The following CC2D2B variants were observed in gnomAD, a reference collection of about 807,000 sequenced individuals.
CC2D2B encodes coiled-coil and C2 domain containing 2B, also known as protein CC2D2B.
In CC2D2B, 128 loss-of-function variants were observed where a neutral mutation model predicts 161.2. The observed-to-expected ratio is 0.79, with a 90% confidence interval of 0.69 to 0.92. CC2D2B has a LOEUF of 0.92. Ranked by LOEUF, CC2D2B falls within the 40% of genes least tolerant of loss-of-function variation. CC2D2B has a pLI of 0.00. For synonymous variants in CC2D2B, 391 were observed against 449.8 expected (o/e 0.87, Z 1.65); for missense variants, 1,173 against 1,375.1 (o/e 0.85, Z 2.32).
Position 96,010,806 on chromosome 10 carries a change from G to A in CC2D2B, c.3045+883G>A, listed in dbSNP as rs563501046. ...TGACAAATTGGTCAAGCAAATAAGG[G>A]CTTAATTTAGATTGCCTTTTGCTAC... On this transcript the variant is annotated intron_variant, in intron 26 of 34. Transcript: ENST00000646931. Among the ~76,000 whole-genome samples the A allele has an allele frequency of 2.6e-5, 4 of 152,278 alleles. No individual in the cohort carries two copies. In the South Asian group the frequency reaches 8.3e-4, roughly 32 times the overall value.
chr10:96,007,900 T>C (rs1451550904), intron 25 of CC2D2B, among the ~76,000 whole-genome samples: 2 of 152,132 alleles, frequency 1.3e-5, no homozygotes, highest in Middle Eastern at 3.2e-3. Context: ...GAATACTTCC[T>C]CTAATTTTGG....
chr10:95,964,533 T>G (rs754517690), intron 12 of CC2D2B, among the ~76,000 whole-genome samples: 3 of 152,158 alleles, frequency 2.0e-5, no homozygotes, highest in Non-Finnish European at 4.4e-5. Flanking sequence ...ATAATATTTA[T>G]TAAGTGTTTG....
At position 95,974,075 on chromosome 10, in the gene CC2D2B, GCTATTCT is replaced by G; in HGVS notation, c.1867_1873del (p.Ser623HisfsTer4). ...TGTCTTTTGACATCAGGAAAACTTA[GCTATTCT>G]CTATCATGGAGCTTAGATGAAAATG... is the stretch of plus-strand genomic sequence containing the variant. On this transcript the variant is annotated frameshift_variant, in exon 17 of 35. Transcript: ENST00000646931. LOFTEE classifies it high-confidence loss of function. 1.2e-5 allele frequency: 15 copies of G among 1,230,746 alleles called. No individual in the cohort carries two copies. The South Asian group carries it at 6.2e-4, about 51-fold the overall frequency. The allele number at this position is 1,230,746 out of a possible 1,614,324, so 76.2% of individuals were successfully genotyped here.
intron 34 of CC2D2B, among the ~76,000 whole-genome samples, 185 bp from the exon 35 acceptor site, chr10:96,031,635 T>G (rs1056499830): frequency 6.6e-6 from 1 of 152,202 alleles, no homozygotes. Context: ...ATAGGGTTGT[T>G]TGAGGATTAA....
intron 6 of CC2D2B, among the ~76,000 whole-genome samples, chr10:95,931,232 T>C (rs576344031): frequency 3.0e-4 from 45 of 152,302 alleles, no homozygotes; most frequent in Admixed American, 1.4e-3. Context: ...AGTGGTGACA[T>C]CCCCTTTATC....
chr10:95,960,234 C>A (rs2076715096), intron 11 of CC2D2B, among the ~76,000 whole-genome samples: 1 of 152,156 alleles, frequency 6.6e-6, no homozygotes, highest in African/African-American at 2.4e-5. Flanking sequence ...TGACCACACT[C>A]CTTTAAGTAT....
intron 24 of CC2D2B, among the ~76,000 whole-genome samples, chr10:95,996,557 G>A (rs575871809): frequency 1.4e-4 from 21 of 152,070 alleles, no homozygotes; most frequent in Admixed American, 6.6e-5. Context: ...ATTACCTAAC[G>A]GCATCTTCTT....
rs1025267827 is a variant in CC2D2B, at chr10:95,955,375, T to TC, written c.1012-18dup. On this transcript the variant is annotated intron_variant, in intron 10 of 34. Transcript: ENST00000646931. ...AGGCAGATAAAATATACCGAAGAGC[T>TC]CTTTTTTTTTTGTTATAGCTGAAAG... 1.4e-4 allele frequency: 55 copies of TC among 382,114 alleles called. No individual in the cohort carries two copies. Among genetic ancestry groups the TC allele is most frequent in the Non-Finnish European group, 2.3e-4 (50 of 215,900 alleles). 23.7% of individuals were successfully genotyped at this position (382,114 alleles called of 1,614,324 possible).
At chr10:95,994,903 C>G (rs988815731) in intron 22 of CC2D2B, among the ~76,000 whole-genome samples, 1 of 152,172 alleles carries the variant, frequency 6.6e-6, no homozygotes, top group Non-Finnish European at 1.5e-5. Context: ...TATTACACTG[C>G]AACAGTTTGT....
chr10:96,019,761 G>A lies in CC2D2B; in HGVS notation c.3825G>A (p.Lys1275=). The change falls in exon 32 of 35, where the codon AAG becomes AAA. Residue 1275 remains lysine, a synonymous_variant. Coordinates refer to ENST00000646931, the MANE Select transcript of CC2D2B (RefSeq NM_001349008.3). ...TPMAVFFDYS[K]ESFWKQLLPK... ...TGGCTGTATTTTTTGACTATTCAAA[G>A]GAAAGTTTCTGGAAGCAGTTGCTTC... The A allele has an allele frequency of 6.2e-7, 1 of 1,603,434 alleles. No homozygotes were observed. The highest frequency in any genetic ancestry group is 8.5e-7 in the Non-Finnish European group (1 of 1,176,908).
At chr10:96,025,154 A>AAAAAATAT (rs1491259451) in intron 33 of CC2D2B, among the ~76,000 whole-genome samples, 1 of 20,102 alleles carries the variant, frequency 5.0e-5, no homozygotes, top group South Asian at 1.9e-3. Context: ...ACTAAAAAAA[A>AAAAAATAT]ATATATATAT....
At chr10:95,999,737 C>G in intron 24 of CC2D2B, 1 of 278,068 alleles carries the variant, frequency 3.6e-6, no homozygotes, top group South Asian at 4.9e-5. Flanking sequence ...TTTTTACAGT[C>G]CAGAGGTCTT....
chr10:96,020,662 T>A (rs1268708341), intron 32 of CC2D2B: 3 of 151,722 alleles, frequency 2.0e-5, no homozygotes, highest in Admixed American at 2.0e-4. Context: ...AATAGAAAAA[T>A]TAGGCAAAAG....
intron 32 of CC2D2B, among the ~76,000 whole-genome samples, chr10:96,023,446 A>G (rs1223928938): frequency 6.6e-6 from 1 of 152,254 alleles, no homozygotes; most frequent in Admixed American, 6.5e-5. Flanking sequence ...GAGTGCCCAG[A>G]AAGAAAGAGG....
At chr10:96,002,971 G>A in intron 24 of CC2D2B, among the ~76,000 whole-genome samples, 1 of 149,918 alleles carries the variant, frequency 6.7e-6, no homozygotes, top group African/African-American at 2.5e-5. Flanking sequence ...TTGAGCCCAG[G>A]AGTTCAAGAT....
chr10:96,029,631 T>G (rs1364991608), intron 34 of CC2D2B, among the ~76,000 whole-genome samples: 1 of 151,954 alleles, frequency 6.6e-6, no homozygotes, highest in Non-Finnish European at 1.5e-5. Flanking sequence ...CTTGGTATCA[T>G]TAGATTTATC....
chr10:95,961,004 G>T (rs2076740883), intron 11 of CC2D2B, among the ~76,000 whole-genome samples: 1 of 152,050 alleles, frequency 6.6e-6, no homozygotes, highest in Non-Finnish European at 1.5e-5. Context: ...TAGAACTTAG[G>T]TGGCAAAATA....
chr10:95,987,153 G>A (rs540923392), intron 19 of CC2D2B, among the ~76,000 whole-genome samples: 6 of 151,710 alleles, frequency 4.0e-5, no homozygotes, highest in African/African-American at 9.7e-5. Flanking sequence ...TGAGACCCTC[G>A]TCTCTACTAA....
intron 6 of CC2D2B, among the ~76,000 whole-genome samples, chr10:95,929,610 A>G (rs2098546052): frequency 6.6e-6 from 1 of 152,220 alleles, no homozygotes; most frequent in African/African-American, 2.4e-5. Flanking sequence ...AGTTTTCGGC[A>G]TATGGCTAAC....
Sources: gnomAD v4.1 joint callset for allele counts (sites outside exome capture counted in the v4.1 genomes callset) on GRCh38, gnomAD v4.1.1 for gene constraint, MANE v1.5 for transcripts, NCBI Gene and HGNC (gene_info 2026-07-23, HGNC 2026-07-21) for gene names.